Variants in SEMA3C observed in about 807,000 individuals in gnomAD.
SEMA3C encodes the protein semaphorin-3C.
Under a neutral mutation model 89.4 loss-of-function variants are expected in SEMA3C, and 47 were observed. The observed-to-expected ratio is 0.53, with a 90% CI of 0.42 to 0.67. The LOEUF is 0.67. Among genes scored for constraint, SEMA3C ranks in the 30% least tolerant of loss-of-function variants. The pLI is 0.00. For synonymous variants in SEMA3C, 310 were observed against 320.2 expected, an observed-to-expected ratio of 0.97 and a Z score of 0.34; for missense variants, 839 against 929.1, an observed-to-expected ratio of 0.90 and a Z score of 1.26.
At chr7:80,775,868 C>T (rs1032662109) in intron 12 of SEMA3C, among the ~76,000 whole-genome samples, 4 of 151,824 alleles carry the variant, frequency 2.6e-5, no homozygotes, top group Non-Finnish European at 5.9e-5. Flanking sequence ...ACTGTAATTG[C>T]TTTTCTTCCT....
intron 15 of SEMA3C, 21 bp from the exon 16 acceptor site, chr7:80,751,357 A>T: frequency 6.2e-7 from 1 of 1,607,560 alleles, no homozygotes. Context: ...AGAAATACAT[A>T]AAAGTGACTG....
chr7:80,873,091 A>C (rs1791110054), intron 2 of SEMA3C, among the ~76,000 whole-genome samples: 1 of 152,164 alleles, frequency 6.6e-6, no homozygotes, highest in Non-Finnish European at 1.5e-5. Flanking sequence ...AAAACTAAGT[A>C]AAAGCTAAGC....
intron 6 of SEMA3C, among the ~76,000 whole-genome samples, chr7:80,808,354 T>C (rs1158839036): frequency 6.6e-6 from 1 of 152,170 alleles, no homozygotes; most frequent in African/African-American, 2.4e-5. Context: ...TTTCTGAAGG[T>C]GAATAAAGTT....
intron 12 of SEMA3C, among the ~76,000 whole-genome samples, chr7:80,778,604 C>T (rs914937766): frequency 6.6e-6 from 1 of 152,166 alleles, no homozygotes; most frequent in Non-Finnish European, 1.5e-5. Flanking sequence ...AAACATCTTT[C>T]CTCTCAGAAT....
intron 3 of SEMA3C, among the ~76,000 whole-genome samples, 170 bp from the exon 4 acceptor site, chr7:80,827,657 T>C (rs1562893957): frequency 6.6e-6 from 1 of 152,070 alleles, no homozygotes; most frequent in Non-Finnish European, 1.5e-5. Flanking sequence ...ATTTTAACAA[T>C]TACAATTATT....
chr7:80,868,355 C>T (rs1790978506), intron 2 of SEMA3C, among the ~76,000 whole-genome samples: 1 of 152,126 alleles, frequency 6.6e-6, no homozygotes, highest in South Asian at 2.1e-4. Flanking sequence ...GCAACCTCCA[C>T]CTCCCAGGTT....
At chr7:80,895,607 A>G (rs145531661) in intron 2 of SEMA3C, among the ~76,000 whole-genome samples, 29 of 152,278 alleles carry the variant, frequency 1.9e-4, no homozygotes, top group Middle Eastern at 3.4e-3. Flanking sequence ...CACACTACAC[A>G]TGTGCACGGA....
intron 4 of SEMA3C, among the ~76,000 whole-genome samples, chr7:80,822,402 TA>T (rs1188328959): frequency 7.8e-6 from 1 of 128,688 alleles, no homozygotes; most frequent in Non-Finnish European, 1.7e-5. Flanking sequence ...TAAATAAAAA[TA>T]AATAAATAAA....
chr7:80,833,497 T>C (rs960122651), intron 2 of SEMA3C, among the ~76,000 whole-genome samples: 13 of 151,766 alleles, frequency 8.6e-5, no homozygotes, highest in Non-Finnish European at 1.9e-4. Flanking sequence ...AAGAAAATCG[T>C]CAATCTATCG....
chr7:80,869,862 C>T (rs1791015241), intron 2 of SEMA3C, among the ~76,000 whole-genome samples: 1 of 152,170 alleles, frequency 6.6e-6, no homozygotes, highest in Non-Finnish European at 1.5e-5. Context: ...CTGGAATCTT[C>T]CTGACTTTAA....
chr7:80,795,325 T>G (rs73137733), intron 11 of SEMA3C, among the ~76,000 whole-genome samples: 12,277 of 152,144 alleles, frequency 0.081, 511 homozygotes, highest in Non-Finnish European at 0.097. Context: ...CAGGAGGAGT[T>G]CCAAAGGTCA....
chr7:80,912,854 A>C (rs757159380), intron 2 of SEMA3C, among the ~76,000 whole-genome samples: 1 of 152,214 alleles, frequency 6.6e-6, no homozygotes, highest in Non-Finnish European at 1.5e-5. Flanking sequence ...CGTGCCTTGT[A>C]ATGCTAATGC....
chr7:80,760,308 C>T (rs930547929), intron 14 of SEMA3C, among the ~76,000 whole-genome samples: 5 of 152,080 alleles, frequency 3.3e-5, no homozygotes, highest in Non-Finnish European at 7.4e-5. Flanking sequence ...ATTACTATGC[C>T]ACACAAATGG....
At chr7:80,766,361 G>A (rs1788302865) in intron 12 of SEMA3C, among the ~76,000 whole-genome samples, 1 of 152,164 alleles carries the variant, frequency 6.6e-6, no homozygotes, top group Non-Finnish European at 1.5e-5. Flanking sequence ...GCTGAGGCAG[G>A]AAAACAGGGT....
intron 2 of SEMA3C, among the ~76,000 whole-genome samples, chr7:80,891,125 T>C (rs73709359): frequency 0.017 from 2,555 of 152,296 alleles, 77 homozygotes; most frequent in African/African-American, 0.057. Flanking sequence ...CTCCATGTAA[T>C]AGAGGTCTAC....
intron 12 of SEMA3C, among the ~76,000 whole-genome samples, chr7:80,779,400 C>G (rs1187424160): frequency 6.6e-6 from 1 of 152,158 alleles, no homozygotes; most frequent in African/African-American, 2.4e-5. Context: ...TTACCTTGAT[C>G]AGTCAATGCT....
chr7:80,874,035 T>C (rs1322363202), intron 2 of SEMA3C, among the ~76,000 whole-genome samples: 1 of 152,116 alleles, frequency 6.6e-6, no homozygotes, highest in Non-Finnish European at 1.5e-5. Context: ...GAGACAAAGG[T>C]GTAAGGTGTC....
At chr7:80,917,115 T>G (rs1027936185) in intron 1 of SEMA3C, among the ~76,000 whole-genome samples, 1 of 152,194 alleles carries the variant, frequency 6.6e-6, no homozygotes, top group South Asian at 2.1e-4. Context: ...GAAAGCCCAA[T>G]ATTTTAACGG....
intron 12 of SEMA3C, among the ~76,000 whole-genome samples, chr7:80,788,424 A>G (rs1259987913): frequency 6.6e-6 from 1 of 152,180 alleles, no homozygotes; most frequent in African/African-American, 2.4e-5. Context: ...TTTAGCGTGC[A>G]TCAGAATTAC....
Sources: gnomAD v4.1 joint callset for allele counts (sites outside exome capture counted in the v4.1 genomes callset) on GRCh38, gnomAD v4.1.1 for gene constraint, MANE v1.5 for transcripts, NCBI Gene and HGNC (gene_info 2026-07-23, HGNC 2026-07-21) for gene names.